Variants in DGKB observed in about 807,000 individuals in gnomAD.
DGKB encodes diacylglycerol kinase beta.
A neutral mutation model predicts 114.3 loss-of-function variants in DGKB; 67 were observed. That is an observed-to-expected ratio of 0.59 (90% CI 0.48 to 0.72). The LOEUF is 0.72. Ranked by LOEUF, DGKB falls within the 30% of genes least tolerant of loss-of-function variation. DGKB has a pLI of 0.00. For missense variants in DGKB, 907 were observed against 975.2 expected, an observed-to-expected ratio of 0.93 and a Z score of 0.93; for synonymous variants, 398 against 323.1, an observed-to-expected ratio of 1.23 and a Z score of -2.49.
intron 21 of DGKB, among the ~76,000 whole-genome samples, chr7:14,362,336 A>G (rs1583414604): frequency 1.3e-5 from 2 of 152,046 alleles, no homozygotes; most frequent in African/African-American, 4.8e-5. Flanking sequence ...TTGGAATTTA[A>G]TCATTTGAGA....
At chr7:14,657,546 G>A (rs1816106583) in intron 13 of DGKB, among the ~76,000 whole-genome samples, 1 of 151,816 alleles carries the variant, frequency 6.6e-6, no homozygotes, top group South Asian at 2.1e-4. Context: ...TTTGGTAGAT[G>A]ACATAGGATT....
At chr7:14,398,727 G>A (rs148284425) in intron 21 of DGKB, among the ~76,000 whole-genome samples, 1 of 151,854 alleles carries the variant, frequency 6.6e-6, no homozygotes, top group East Asian at 1.9e-4. Context: ...ACAGTTGTTG[G>A]CATTTGTTAT....
At chr7:14,404,227 G>A (rs1195814070) in intron 21 of DGKB, among the ~76,000 whole-genome samples, 1 of 151,008 alleles carries the variant, frequency 6.6e-6, no homozygotes, top group Non-Finnish European at 1.5e-5. Flanking sequence ...GATATTTTGA[G>A]ATGAATCATA....
intron 1 of DGKB, among the ~76,000 whole-genome samples, chr7:14,863,102 T>G (rs1333233062): frequency 6.9e-6 from 1 of 144,664 alleles, no homozygotes; most frequent in Non-Finnish European, 1.5e-5. Flanking sequence ...AATATTATTT[T>G]TAATTTATTT....
intron 13 of DGKB, among the ~76,000 whole-genome samples, chr7:14,645,823 CA>C (rs367549431): frequency 1.2e-3 from 187 of 151,978 alleles, no homozygotes; most frequent in African/African-American, 4.1e-3. Context: ...ACTGGATATA[CA>C]AGAAATAAGG....
At chr7:14,956,027 T>C (rs1005503046) in intron 1 of DGKB, among the ~76,000 whole-genome samples, 3 of 151,848 alleles carry the variant, frequency 2.0e-5, no homozygotes, top group East Asian at 1.9e-4. Flanking sequence ...AAGACAGATA[T>C]ACAAATAACA....
At chr7:14,695,136 C>T (rs946452368) in intron 8 of DGKB, among the ~76,000 whole-genome samples, 1 of 152,146 alleles carries the variant, frequency 6.6e-6, no homozygotes, top group Admixed American at 6.5e-5. Context: ...GTATTGTCTG[C>T]CTAGACACTC....
chr7:14,900,069 A>G (rs1385118532), intron 1 of DGKB, among the ~76,000 whole-genome samples: 5 of 152,188 alleles, frequency 3.3e-5, no homozygotes, highest in Non-Finnish European at 7.3e-5. Flanking sequence ...TTGACACAGT[A>G]TGTGCAACTG....
intron 21 of DGKB, among the ~76,000 whole-genome samples, chr7:14,399,212 A>G (rs562461357): frequency 3.3e-5 from 5 of 151,766 alleles, no homozygotes; most frequent in Admixed American, 3.3e-4. Context: ...TTGAGAATAT[A>G]TCAAAAATAT....
chr7:14,149,329 A>G (rs923926541), intron 25 of DGKB, 91 bp from the exon 26 acceptor site: 1 of 861,704 alleles, frequency 1.2e-6, no homozygotes, highest in Admixed American at 2.6e-5. Context: ...GTTAAGGTTA[A>G]TAATATTTCA....
At chr7:14,324,586 G>C (rs1049155494) in intron 23 of DGKB, among the ~76,000 whole-genome samples, 2 of 152,004 alleles carry the variant, frequency 1.3e-5, no homozygotes, top group African/African-American at 4.8e-5. Flanking sequence ...TGAAGAATGA[G>C]CAATGTCATT....
At chr7:14,676,081 C>T (rs1244286001) in intron 12 of DGKB, among the ~76,000 whole-genome samples, 1 of 152,114 alleles carries the variant, frequency 6.6e-6, no homozygotes, top group Admixed American at 6.6e-5. Flanking sequence ...AAGTGAATAT[C>T]ATCTTTGCTG....
chr7:14,565,764 T>C (rs1797297057), intron 20 of DGKB, among the ~76,000 whole-genome samples: 1 of 152,142 alleles, frequency 6.6e-6, no homozygotes, highest in Admixed American at 6.5e-5. Context: ...CTCATCTGTC[T>C]CTTATTTTAC....
chr7:14,834,861 GTTTTGCATC>G (rs1377078488), intron 2 of DGKB, among the ~76,000 whole-genome samples: 3 of 152,050 alleles, frequency 2.0e-5, no homozygotes, highest in Admixed American at 6.6e-5. Context: ...CTTACCCAAA[GTTTTGCATC>G]TTTAGGGTAC....
At chr7:14,512,410 T>C (rs1002513318) in intron 20 of DGKB, among the ~76,000 whole-genome samples, 24 of 152,360 alleles carry the variant, frequency 1.6e-4, no homozygotes, top group African/African-American at 5.5e-4. Flanking sequence ...CTATCAGAAC[T>C]ATGTTTTTCT....
intron 23 of DGKB, among the ~76,000 whole-genome samples, chr7:14,293,966 A>G (rs1479901993): frequency 6.6e-6 from 1 of 152,128 alleles, no homozygotes; most frequent in Non-Finnish European, 1.5e-5. Context: ...CAGATTTCTT[A>G]TCTTTTTGTT....
chr7:14,922,659 T>A (rs1477746431), intron 1 of DGKB, among the ~76,000 whole-genome samples: 1 of 152,136 alleles, frequency 6.6e-6, no homozygotes, highest in Non-Finnish European at 1.5e-5. Flanking sequence ...TTAGCTAGGA[T>A]AGTATTGTTA....
chr7:14,780,551 T>C (rs1170446777), intron 2 of DGKB, among the ~76,000 whole-genome samples: 1 of 152,174 alleles, frequency 6.6e-6, no homozygotes. Flanking sequence ...AATTCCATTT[T>C]CTTATTCTTA....
chr7:14,799,765 G>A (rs1440417828), intron 2 of DGKB, among the ~76,000 whole-genome samples: 2 of 152,192 alleles, frequency 1.3e-5, no homozygotes, highest in African/African-American at 4.8e-5. Context: ...TTTGCAGCAA[G>A]TACAGGCTGC....
Sources: allele counts gnomAD v4.1 joint callset (sites outside exome capture counted in the v4.1 genomes callset), GRCh38; gene constraint gnomAD v4.1.1; transcripts MANE v1.5; gene names NCBI Gene and HGNC (gene_info 2026-07-23, HGNC 2026-07-21).